PAAF1: variants seen among roughly 807,000 people sequenced by gnomAD.
PAAF1 encodes the protein proteasomal ATPase associated factor 1.
Under a neutral mutation model 52.8 loss-of-function variants are expected in PAAF1, and 46 were observed. The observed-to-expected ratio is 0.87, with a 90% CI of 0.69 to 1.11. The LOEUF (loss-of-function observed/expected upper bound fraction) is 1.11. Among genes scored for constraint, PAAF1 ranks in the 50% most tolerant of loss-of-function variants. The pLI, the probability that PAAF1 is intolerant of heterozygous loss-of-function variation, is 0.00. For missense variants in PAAF1, 424 were observed against 477.4 expected (o/e 0.89, Z 1.04); for synonymous variants, 178 against 172.8 (o/e 1.03, Z -0.24).
At chr11:73,902,821 C>T (rs1369257021) in intron 6 of PAAF1, among the ~76,000 whole-genome samples, 1 of 152,294 alleles carries the variant, frequency 6.6e-6, no homozygotes, top group East Asian at 1.9e-4. Flanking sequence ...CGCAGCCTCC[C>T]CAGTAACTGG....
intron 4 of PAAF1, among the ~76,000 whole-genome samples, chr11:73,893,738 CAAAAAA>C (rs564348245): frequency 3.5e-4 from 25 of 71,968 alleles, no homozygotes; most frequent in African/African-American, 1.1e-3. Context: ...ACTCTGTCTC[CAAAAAA>C]AAAAAAAAAA....
chr11:73,919,191 G>A (rs1950147184), intron 10 of PAAF1, among the ~76,000 whole-genome samples, 159 bp downstream of exon 10: 1 of 152,232 alleles, frequency 6.6e-6, no homozygotes, highest in Non-Finnish European at 1.5e-5. Context: ...CGTTGTGATT[G>A]TCTGTGTCCC....
intron 9 of PAAF1, among the ~76,000 whole-genome samples, chr11:73,917,085 A>G (rs1950087664): frequency 2.0e-5 from 3 of 152,150 alleles, no homozygotes; most frequent in Admixed American, 1.3e-4. Context: ...CAGTGGTGCT[A>G]TCTCGGCTTA....
At position 73,924,631 on chromosome 11, in the gene PAAF1, T is replaced by C. The variant is rs981621215; in HGVS notation, c.1035T>C (p.Phe345=). 1.3e-5 allele frequency: 21 copies of C among 1,613,838 alleles called. No homozygotes were observed. The highest frequency in any genetic ancestry group is 2.7e-5 in the African/African-American group (2 of 74,912). Residue 345 remains phenylalanine, a synonymous_variant, in exon 11 of 12, where the codon TTT becomes TTC. Coordinates refer to ENST00000310571, the MANE Select transcript of PAAF1 (RefSeq NM_025155.3). Reference sequence around the variant, plus strand: ...GCCTTTCAGGTGATGGAAGCTGTTTTATTGTCCAGCAAGACTTAGACTATG... The same window carrying C: ...GCCTTTCAGGTGATGGAAGCTGTTTCATTGTCCAGCAAGACTTAGACTATG... ...FIASQGDGSC[F]IVQQDLDYVT...
At chr11:73,910,220 GC>G (rs1379924100) in intron 7 of PAAF1, among the ~76,000 whole-genome samples, 7 of 152,130 alleles carry the variant, frequency 4.6e-5, no homozygotes, top group African/African-American at 1.7e-4. Context: ...ACCATGCCTG[GC>G]AAATTAGCAA....
At chr11:73,893,234 C>T (rs1221421076) in intron 4 of PAAF1, among the ~76,000 whole-genome samples, 1 of 152,058 alleles carries the variant, frequency 6.6e-6, no homozygotes, top group Non-Finnish European at 1.5e-5. Flanking sequence ...AATTATGAGG[C>T]TTTGGGTGTG....
At chr11:73,917,764 G>A (rs139961047) in intron 9 of PAAF1, among the ~76,000 whole-genome samples, 1 of 152,096 alleles carries the variant, frequency 6.6e-6, no homozygotes, top group African/African-American at 2.4e-5. Flanking sequence ...CCCAGGTACT[G>A]GGGGGCTGAG....
At position 73,899,136 on chromosome 11, in the gene PAAF1, C is replaced by T. The variant is rs369694380; in HGVS notation, c.283-10C>T. ...ATTTCTAACACATTGTTTGTTTTCT[C>T]TTTGAACAGATAACATGCCTGGACA... On this transcript the variant is annotated splice_polypyrimidine_tract_variant and intron_variant, in intron 4 of 11. Coordinates refer to ENST00000310571, the MANE Select transcript of PAAF1 (RefSeq NM_025155.3). The T allele has an allele frequency of 3.2e-5, 52 of 1,602,306 alleles. No homozygotes were observed. The highest frequency in any genetic ancestry group is 1.7e-4 in the Middle Eastern group (1 of 6,054).
At chr11:73,898,054 G>A (rs1015774848) in intron 4 of PAAF1, among the ~76,000 whole-genome samples, 5 of 152,264 alleles carry the variant, frequency 3.3e-5, no homozygotes, top group East Asian at 1.9e-4. Flanking sequence ...GTGGCGGCGC[G>A]CGCCTGCAAT....
At chr11:73,913,302 G>A (rs1327626477) in intron 7 of PAAF1, among the ~76,000 whole-genome samples, 2 of 152,182 alleles carry the variant, frequency 1.3e-5, no homozygotes, top group Non-Finnish European at 2.9e-5. Context: ...GCTTTTTAAA[G>A]TTAAAGTTTA....
intron 10 of PAAF1, among the ~76,000 whole-genome samples, chr11:73,919,660 C>G (rs951411701): frequency 1.3e-5 from 2 of 152,114 alleles, no homozygotes; most frequent in Non-Finnish European, 2.9e-5. Context: ...CCAGGACAAA[C>G]TCTTTGGAAT....
chr11:73,902,127 G>T (rs531075936), intron 6 of PAAF1, among the ~76,000 whole-genome samples: 23 of 152,212 alleles, frequency 1.5e-4, no homozygotes, highest in African/African-American at 5.5e-4. Context: ...CTCCCAAAGT[G>T]CTGGGATTAC....
chr11:73,920,105 G>A (rs935987), intron 10 of PAAF1, among the ~76,000 whole-genome samples: 4,752 of 152,022 alleles, frequency 0.031, 229 homozygotes, highest in African/African-American at 0.11. Flanking sequence ...TTTGACAAAT[G>A]TAAGGTGATA....
intron 11 of PAAF1, among the ~76,000 whole-genome samples, chr11:73,924,990 T>A (rs1443993859): frequency 6.6e-6 from 1 of 151,274 alleles, no homozygotes; most frequent in Non-Finnish European, 1.5e-5. Flanking sequence ...CCGTCTCTAC[T>A]AAAAATACAA....
chr11:73,898,279 A>T (rs1591075416), intron 4 of PAAF1, among the ~76,000 whole-genome samples: 1 of 150,090 alleles, frequency 6.7e-6, no homozygotes, highest in Non-Finnish European at 1.5e-5. Flanking sequence ...GAATAGCTGA[A>T]CTCTTGAATC....
chr11:73,923,206 G>A (rs1394608872), intron 10 of PAAF1, among the ~76,000 whole-genome samples: 2 of 151,976 alleles, frequency 1.3e-5, no homozygotes, highest in Non-Finnish European at 2.9e-5. Context: ...GTACTACCTC[G>A]TATATGCTGC....
chr11:73,886,325 C>T lies in PAAF1; in HGVS notation c.89-1029C>T, dbSNP rs116909381. Among the ~76,000 whole-genome samples the T allele has an allele frequency of 2.6e-5, 4 of 152,342 alleles. No homozygotes were observed. The East Asian group carries it at 7.7e-4, about 29-fold the overall frequency. ...GTTGAGATCACTCTAAAAGCCCTCT[C>T]TACAAATGCTGTATCAAATCTCTAA... On this transcript the variant is annotated intron_variant, in intron 2 of 11. Transcript: ENST00000310571.
At chr11:73,909,812 CT>C in intron 7 of PAAF1, among the ~76,000 whole-genome samples, 1 of 152,268 alleles carries the variant, frequency 6.6e-6, no homozygotes, top group Middle Eastern at 3.4e-3. Context: ...TAAGTACAAT[CT>C]AATGTAGAAG....
intron 7 of PAAF1, among the ~76,000 whole-genome samples, chr11:73,912,286 G>A (rs561302363): frequency 1.3e-5 from 2 of 151,992 alleles, no homozygotes; most frequent in African/African-American, 2.4e-5. Context: ...ACTCTATTTC[G>A]ATGTCTAATA....
Sources: gnomAD v4.1 joint callset for allele counts (sites outside exome capture counted in the v4.1 genomes callset) on GRCh38, gnomAD v4.1.1 for gene constraint, MANE v1.5 for transcripts, NCBI Gene and HGNC (gene_info 2026-07-23, HGNC 2026-07-21) for gene names.